Variants in IQCE observed in about 807,000 individuals in gnomAD.
IQCE encodes the protein IQ domain-containing protein E.
In IQCE, 115 loss-of-function variants were observed where a neutral mutation model predicts 96.0. That is an observed-to-expected ratio of 1.20 (90% CI 1.03 to 1.40). The LOEUF is 1.40. IQCE is among the 40% of genes most tolerant of loss of function. IQCE has a pLI of 0.00. For synonymous variants in IQCE, 412 were observed against 371.2 expected (o/e 1.11, Z -1.26); for missense variants, 1,041 against 909.1 (o/e 1.15, Z -1.87).
chr7:2,605,568 C>G (rs185880426), intron 19 of IQCE, among the ~76,000 whole-genome samples: 1 of 151,806 alleles, frequency 6.6e-6, no homozygotes, highest in African/African-American at 2.4e-5. Context: ...TACAGTGAGT[C>G]GAGATCACGC....
chr7:2,593,240 A>G, intron 15 of IQCE, 114 bp downstream of exon 15: 1 of 1,410,876 alleles, frequency 7.1e-7, no homozygotes, highest in Non-Finnish European at 9.5e-7. Context: ...TAGAAAGGCC[A>G]CACCTCCTCA....
In IQCE at chr7:2,559,032, A is replaced by C; in HGVS notation, c.-150A>C. On this transcript the variant is annotated 5_prime_UTR_variant, in exon 1 of 22. An upstream open reading frame in the 5' UTR loses its in-frame stop. Transcript: ENST00000402050. ...ACGCAGGTCGCTTACCCGGCTGGGTAGGTCGGCGGCCTGGTTGCCATGGCA... is the reference window on the plus strand; with the variant it reads ...ACGCAGGTCGCTTACCCGGCTGGGTCGGTCGGCGGCCTGGTTGCCATGGCA... The C allele has an allele frequency of 2.8e-6, 1 of 358,924 alleles. No individual in the cohort carries two copies. The allele number at this position is 358,924 out of a possible 1,614,324, so 22.2% of individuals were successfully genotyped here. A position where few individuals can be genotyped will look rare whatever the true frequency, so the allele number is the denominator to read the frequency against.
Position 2,598,651 on chromosome 7 carries a change from A to C in IQCE, c.1608+19A>C. 1 of 1,495,870 alleles carries C rather than the reference A, an allele frequency of 6.7e-7. No individual in the cohort carries two copies. The highest frequency in any genetic ancestry group is 8.9e-7 in the Non-Finnish European group (1 of 1,121,512). 92.7% of individuals were successfully genotyped at this position (1,495,870 alleles called of 1,614,324 possible). A position where few individuals can be genotyped will look rare whatever the true frequency, so the allele number is the denominator to read the frequency against. On this transcript the variant is annotated intron_variant, in intron 17 of 21. Transcript: ENST00000402050. ...GCACAAGGTGAGGCTCCCCGGGGCG[A>C]CCCGGGCTGCTCCCTGTGAGTCTTC...
intron 8 of IQCE, among the ~76,000 whole-genome samples, chr7:2,579,654 T>G (rs1233381873): frequency 6.6e-6 from 1 of 152,012 alleles, no homozygotes; most frequent in Non-Finnish European, 1.5e-5. Context: ...CTGTAAGTAG[T>G]GGGTACTTTT....
chr7:2,589,795 A>G, intron 13 of IQCE, 112 bp from the exon 14 acceptor site: 4 of 1,024,028 alleles, frequency 3.9e-6, no homozygotes, highest in South Asian at 1.4e-5. Context: ...AAGCTTTCTC[A>G]TGGCCCTGCT....
intron 6 of IQCE, among the ~76,000 whole-genome samples, chr7:2,574,244 T>G (rs1037991417): frequency 2.6e-5 from 4 of 152,256 alleles, no homozygotes; most frequent in Non-Finnish European, 4.4e-5. Context: ...GATGTGTGTC[T>G]GAGACACTGC....
intron 6 of IQCE, among the ~76,000 whole-genome samples, chr7:2,575,624 G>C (rs536872627): frequency 6.6e-6 from 1 of 152,316 alleles, no homozygotes; most frequent in African/African-American, 2.4e-5. Context: ...GGAGGACTGT[G>C]GTGTTTTCCG....
chr7:2,564,857 C>A (rs1215694005), intron 1 of IQCE, among the ~76,000 whole-genome samples: 1 of 152,138 alleles, frequency 6.6e-6, no homozygotes, highest in Non-Finnish European at 1.5e-5. Flanking sequence ...TGATCTTCTG[C>A]CTCGCTCTCC....
In IQCE at chr7:2,586,281, AG is replaced by A; in HGVS notation, c.899del (p.Ser300MetfsTer12). The A allele has an allele frequency of 6.2e-7, 1 of 1,609,336 alleles. No homozygotes were observed. The highest frequency in any genetic ancestry group is 8.5e-7 in the Non-Finnish European group (1 of 1,175,672). ...CAGTGCCCTCCTGAGCTTGTCCCGG[AG>A]TGTCCAGGAGCTCACGGAAGAGAAC... ...MGSALLSLSRSVQELTEENQS... is the reference protein window; with the variant it reads ...MGSALLSLSRXVQELTEENQS... On this transcript the variant is annotated frameshift_variant, in exon 12 of 22. Transcript: ENST00000402050. LOFTEE classifies it high-confidence loss of function.
At chr7:2,559,773 G>C (rs1186582936) in intron 1 of IQCE, among the ~76,000 whole-genome samples, 1 of 133,334 alleles carries the variant, frequency 7.5e-6, no homozygotes, top group African/African-American at 2.6e-5. Context: ...AGTGGGGGGG[G>C]GGGGGGGGGC....
intron 16 of IQCE, among the ~76,000 whole-genome samples, chr7:2,595,451 C>G (rs73033686): frequency 0.12 from 18,885 of 152,216 alleles, 1,232 homozygotes; most frequent in Admixed American, 0.16. Context: ...CGTCACTCAG[C>G]TGTGCACGGG....
At chr7:2,566,769 A>G (rs1781405727) in intron 1 of IQCE, among the ~76,000 whole-genome samples, 1 of 152,230 alleles carries the variant, frequency 6.6e-6, no homozygotes, top group Non-Finnish European at 1.5e-5. Context: ...GTAAAGATGA[A>G]TAAGAGTGAG....
At chr7:2,563,618 C>A (rs1230164138) in intron 1 of IQCE, among the ~76,000 whole-genome samples, 1 of 152,070 alleles carries the variant, frequency 6.6e-6, no homozygotes, top group Non-Finnish European at 1.5e-5. Context: ...TTAGGTACAT[C>A]CCATAAATTT....
chr7:2,609,855 G>A (rs926024009), intron 21 of IQCE, among the ~76,000 whole-genome samples, 189 bp from the exon 22 acceptor site: 4 of 152,074 alleles, frequency 2.6e-5, no homozygotes, highest in Non-Finnish European at 5.9e-5. Context: ...TGGTCCTGAG[G>A]GCGGAGAGTG....
intron 21 of IQCE, among the ~76,000 whole-genome samples, chr7:2,608,029 G>A (rs1784953598): frequency 6.6e-6 from 1 of 152,212 alleles, no homozygotes; most frequent in Non-Finnish European, 1.5e-5. Flanking sequence ...GGAAGGAGGA[G>A]AGAGAACAGC....
chr7:2,585,654 TGAG>T (rs1405764865), intron 11 of IQCE, among the ~76,000 whole-genome samples: 6 of 152,182 alleles, frequency 3.9e-5, no homozygotes, highest in Admixed American at 2.6e-4. Flanking sequence ...TGAGCTGAGG[TGAG>T]GAGCTGAGCA....
chr7:2,567,141 C>A lies in IQCE; in HGVS notation c.62C>A (p.Thr21Asn). The A allele has an allele frequency of 6.2e-7, 1 of 1,613,910 alleles. No individual in the cohort carries two copies. The highest frequency in any genetic ancestry group is 1.1e-5 in the South Asian group (1 of 91,064). Residue 21 changes from threonine (T) to asparagine (N), a missense_variant, in exon 2 of 22, where the codon ACC (threonine) becomes AAC (asparagine). Coordinates refer to ENST00000402050, the MANE Select transcript of IQCE (RefSeq NM_152558.5). Reference protein sequence around the residue: ...DTGDDSLSAVTFDSDVETKAK... With the variant: ...DTGDDSLSAVNFDSDVETKAK... Reference sequence around the variant, plus strand: ...GGAGATGACAGTCTGTCTGCAGTCACCTTTGACTCTGATGTGGAGACGGTG... The same window carrying A: ...GGAGATGACAGTCTGTCTGCAGTCAACTTTGACTCTGATGTGGAGACGGTG...
intron 1 of IQCE, among the ~76,000 whole-genome samples, chr7:2,564,272 T>C (rs1781198050): frequency 6.6e-6 from 1 of 152,018 alleles, no homozygotes; most frequent in Non-Finnish European, 1.5e-5. Flanking sequence ...GATTTCGTCT[T>C]AGACCCATTG....
chr7:2,596,847 G>C, intron 16 of IQCE: 1 of 409,032 alleles, frequency 2.4e-6, no homozygotes. Context: ...TACAAAATCA[G>C]AATGTGGAAG....
Sources: allele counts gnomAD v4.1 joint callset (sites outside exome capture counted in the v4.1 genomes callset), GRCh38; gene constraint gnomAD v4.1.1; transcripts MANE v1.5; gene names NCBI Gene and HGNC (gene_info 2026-07-23, HGNC 2026-07-21).